The following MUSK variants were observed in gnomAD, a reference collection of about 807,000 sequenced individuals.
MUSK encodes muscle associated receptor tyrosine kinase.
A neutral mutation model predicts 88.7 loss-of-function variants in MUSK; 55 were observed. The ratio of observed to expected loss-of-function variants is 0.62; its 90% CI spans 0.50 to 0.78. The LOEUF is 0.78. Among genes scored for constraint, MUSK ranks in the 30% least tolerant of loss-of-function variants. The pLI is 0.00. For synonymous variants in MUSK, 387 were observed against 391.9 expected, an observed-to-expected ratio of 0.99 and a Z score of 0.15; for missense variants, 1,015 against 1,074.3, an observed-to-expected ratio of 0.94 and a Z score of 0.77.
intron 9 of MUSK, among the ~76,000 whole-genome samples, chr9:110,774,286 T>C (rs748576159): frequency 4.7e-4 from 72 of 152,186 alleles, no homozygotes; most frequent in Non-Finnish European, 8.1e-4. Flanking sequence ...TAAGTGTTGG[T>C]TTTATTTTTT....
intron 7 of MUSK, among the ~76,000 whole-genome samples, chr9:110,755,951 C>CGTATATATATACATATATATATAT (rs1269355799): frequency 9.8e-6 from 1 of 101,790 alleles, no homozygotes; most frequent in African/African-American, 4.3e-5. Context: ...TATATATATA[C>CGTATATATATACATATATATATAT]ACATATATAT....
Position 110,801,937 on chromosome 9 carries a change from C to A in MUSK, c.*949C>A, listed in dbSNP as rs942847011. On this transcript the variant is annotated 3_prime_UTR_variant, in exon 15 of 15. Transcript: ENST00000374448. Reference sequence around the variant, plus strand: ...TAGATTGATATGTATATGCCTTTTGCAAAGTATTACTATTTTTCCTGCATT... The same window carrying A: ...TAGATTGATATGTATATGCCTTTTGAAAAGTATTACTATTTTTCCTGCATT... Among the ~76,000 whole-genome samples the A allele has an allele frequency of 6.6e-6, 1 of 152,036 alleles. No individual in the cohort carries two copies. Among genetic ancestry groups the A allele is most frequent in the Non-Finnish European group, 1.5e-5 (1 of 68,018 alleles).
At chr9:110,746,349 A>T (rs922386765) in intron 6 of MUSK, among the ~76,000 whole-genome samples, 11 of 152,200 alleles carry the variant, frequency 7.2e-5, no homozygotes, top group Non-Finnish European at 1.5e-5. Flanking sequence ...CATTTGTCAG[A>T]TATGTATTTT....
intron 14 of MUSK, among the ~76,000 whole-genome samples, chr9:110,790,947 G>T (rs2077964043): frequency 1.3e-5 from 2 of 152,186 alleles, no homozygotes; most frequent in Admixed American, 6.5e-5. Flanking sequence ...CAAGTAAGTT[G>T]AAGTCAAATT....
At chr9:110,689,202 T>A (rs1173075519) in intron 3 of MUSK, among the ~76,000 whole-genome samples, 2 of 115,128 alleles carry the variant, frequency 1.7e-5, no homozygotes, top group Non-Finnish European at 3.3e-5. Flanking sequence ...ATATATATAT[T>A]CATATTTTAT....
intron 11 of MUSK, among the ~76,000 whole-genome samples, chr9:110,777,559 C>T (rs1006738269): frequency 6.6e-5 from 10 of 151,988 alleles, no homozygotes; most frequent in African/African-American, 1.2e-4. Flanking sequence ...ATTCCCAAAT[C>T]GAAGGAATAA....
chr9:110,787,885 C>A, intron 14 of MUSK, 47 bp downstream of exon 14: 1 of 1,569,582 alleles, frequency 6.4e-7, no homozygotes, highest in South Asian at 1.2e-5. Flanking sequence ...AAAACAGAGG[C>A]TTTCCAAGTT....
intron 1 of MUSK, among the ~76,000 whole-genome samples, chr9:110,680,171 G>C (rs1237491943): frequency 6.6e-6 from 1 of 152,040 alleles, no homozygotes; most frequent in African/African-American, 2.4e-5. Flanking sequence ...GTAATTCTAA[G>C]CTAACAGTTA....
At chr9:110,685,928 G>A (rs1420411026) in intron 2 of MUSK, among the ~76,000 whole-genome samples, 4 of 152,006 alleles carry the variant, frequency 2.6e-5, no homozygotes, top group Admixed American at 6.6e-5. Flanking sequence ...TTAGGTATTT[G>A]TTGCAGCAGC....
intron 1 of MUSK, among the ~76,000 whole-genome samples, chr9:110,675,562 CTTTTTTTTTTT>C (rs10607243): frequency 6.5e-5 from 4 of 61,628 alleles, no homozygotes; most frequent in African/African-American, 2.9e-4. Context: ...ATAGTCTTCC[CTTTTTTTTTTT>C]TTTTTTTTTT....
At chr9:110,721,474 C>G (rs984663491) in intron 5 of MUSK, among the ~76,000 whole-genome samples, 1 of 152,050 alleles carries the variant, frequency 6.6e-6, no homozygotes, top group Non-Finnish European at 1.5e-5. Flanking sequence ...AAATCAAGAA[C>G]TCAACTGCTT....
intron 14 of MUSK, among the ~76,000 whole-genome samples, chr9:110,790,145 G>A (rs575561359): frequency 6.6e-6 from 1 of 152,316 alleles, no homozygotes; most frequent in African/African-American, 2.4e-5. Context: ...TTTTAAATAG[G>A]TGAAAGTGAG....
intron 9 of MUSK, among the ~76,000 whole-genome samples, chr9:110,772,025 G>A (rs960583986): frequency 7.9e-5 from 12 of 151,256 alleles, no homozygotes; most frequent in African/African-American, 2.9e-4. Context: ...CCGCTTTACA[G>A]TATTCTATTA....
intron 5 of MUSK, among the ~76,000 whole-genome samples, chr9:110,724,603 C>T (rs2076858721): frequency 6.6e-6 from 1 of 152,046 alleles, no homozygotes; most frequent in African/African-American, 2.4e-5. Context: ...AATCAAACTT[C>T]AAGCCCCTTT....
intron 5 of MUSK, among the ~76,000 whole-genome samples, chr9:110,701,119 G>A (rs7018577): frequency 0.23 from 35,506 of 152,108 alleles, 4,678 homozygotes; most frequent in African/African-American, 0.32. Flanking sequence ...GGAAGGGGGT[G>A]AGGATGAAGT....
chr9:110,768,167 T>C (rs1322635031), intron 9 of MUSK, 84 bp downstream of exon 9: 2 of 1,344,146 alleles, frequency 1.5e-6, no homozygotes, highest in South Asian at 1.4e-5. Context: ...TGTTGTAATA[T>C]GCAACAGTAA....
Position 110,683,470 on chromosome 9 carries a change from ATTTCC to A in MUSK, c.206+675_206+679del, listed in dbSNP as rs145689372. On this transcript the variant is annotated intron_variant, in intron 2 of 14. Transcript: ENST00000374448. ...GTATAGATATCTCTTTGATATACTGATTTCCTTTCATTTGCTTATATATGCAGCAG... is the reference window on the plus strand; with the variant it reads ...GTATAGATATCTCTTTGATATACTGATTTCATTTGCTTATATATGCAGCAG... Among the ~76,000 whole-genome samples, 765 of 152,116 alleles carry A rather than the reference ATTTCC, an allele frequency of 5.0e-3. 8 individuals are homozygous for A. The highest frequency in any genetic ancestry group is 0.017 in the African/African-American group (723 of 41,508).
At chr9:110,800,032 C>CTTA (rs1469947827) in intron 14 of MUSK, among the ~76,000 whole-genome samples, 1 of 152,164 alleles carries the variant, frequency 6.6e-6, no homozygotes, top group Non-Finnish European at 1.5e-5. Context: ...GTACGATGTA[C>CTTA]TTATGACAAG....
chr9:110,712,904 A>T (rs2076690949), intron 5 of MUSK, among the ~76,000 whole-genome samples: 1 of 152,210 alleles, frequency 6.6e-6, no homozygotes, highest in African/African-American at 2.4e-5. Flanking sequence ...GTAAAATGCA[A>T]TATATTTACA....
Sources: allele counts gnomAD v4.1 joint callset (sites outside exome capture counted in the v4.1 genomes callset), GRCh38; gene constraint gnomAD v4.1.1; transcripts MANE v1.5; gene names NCBI Gene and HGNC (gene_info 2026-07-23, HGNC 2026-07-21).